Variants in PLEKHM1 observed in about 807,000 individuals in gnomAD.
The protein encoded by PLEKHM1 is pleckstrin homology and RUN domain containing M1.
A neutral mutation model predicts 94.3 loss-of-function variants in PLEKHM1; 28 were observed. The ratio of observed to expected loss-of-function variants is 0.30; its 90% confidence interval spans 0.22 to 0.41. The LOEUF is 0.41. PLEKHM1 is among the 10% of genes least tolerant of loss of function. PLEKHM1 has a pLI of 1.00. For synonymous variants in PLEKHM1, 424 were observed against 581.2 expected, an observed-to-expected ratio of 0.73 and a Z score of 3.89; for missense variants, 907 against 1,358.6, an observed-to-expected ratio of 0.67 and a Z score of 5.22.
At position 45,453,269 on chromosome 17, in the gene PLEKHM1, C is replaced by G. The variant is rs1410812599; in HGVS notation, c.2497+86G>C. 15 of 1,380,516 alleles carry G rather than the reference C, an allele frequency of 1.1e-5. No homozygotes were observed. Among genetic ancestry groups the G allele is most frequent in the Non-Finnish European group, 1.3e-5 (13 of 990,628 alleles). The allele number at this position is 1,380,516 out of a possible 1,614,324, so 85.5% of individuals were successfully genotyped here. A position where few individuals can be genotyped will look rare whatever the true frequency, so the allele number is the denominator to read the frequency against. On this transcript the variant is annotated intron_variant, in intron 7 of 11. Transcript: ENST00000430334. This position sits in a 1 kb window ranked among gnomAD's most constrained non-coding sequence, Gnocchi z 4.1. The stretch of plus-strand genomic sequence containing the variant: ...AAGGATGGGGGCATTTGCGGGGAGG[C>G]AGAAGGGTGGGGAGCCTAAATCAGG...
In PLEKHM1 at chr17:45,445,366, T is replaced by C. The variant is rs1424174949; in HGVS notation, c.2837+104A>G. 1.2e-5 allele frequency: 10 copies of C among 867,522 alleles called. No individual in the cohort carries two copies. In the East Asian group the frequency reaches 2.6e-4, roughly 23 times the overall value. The allele number at this position is 867,522 out of a possible 1,614,324, so 53.7% of individuals were successfully genotyped here. ...TTATGTGTGTGGGTATGTGTGCACATGTGTATGTGTGTCTGTGTGTACATG... is the reference window on the plus strand; with the variant it reads ...TTATGTGTGTGGGTATGTGTGCACACGTGTATGTGTGTCTGTGTGTACATG... On this transcript the variant is annotated intron_variant, in intron 9 of 11. Transcript: ENST00000430334. The surrounding 1 kb of genome is among the most constrained non-coding windows in gnomAD (Gnocchi z 4.2).
At chr17:45,443,359 TTA>T (rs919287330) in intron 9 of PLEKHM1, among the ~76,000 whole-genome samples, 11 of 152,010 alleles carry the variant, frequency 7.2e-5, no homozygotes, top group African/African-American at 2.7e-4. Flanking sequence ...CTGGCCCATT[TTA>T]TAGACGGGAA....
rs145824595 is a variant in PLEKHM1, at chr17:45,440,140, C to T, written c.2901+23G>A. The T allele has an allele frequency of 5.2e-4, 830 of 1,606,466 alleles. 5 individuals carry two copies. In the African/African-American group the frequency reaches 9.4e-3, roughly 18 times the overall value. ...AATGAAGTCTCTCTAGAGGTCTGGGCGGGGGAAGCATGACACTCTTACCTG... is the reference window on the plus strand; with the variant it reads ...AATGAAGTCTCTCTAGAGGTCTGGGTGGGGGAAGCATGACACTCTTACCTG... On this transcript the variant is annotated intron_variant, in intron 10 of 11. Transcript: ENST00000430334.
intron 1 of PLEKHM1, among the ~76,000 whole-genome samples, chr17:45,485,775 T>G (rs1177025223): frequency 6.7e-6 from 1 of 150,008 alleles, no homozygotes; most frequent in Non-Finnish European, 1.5e-5. Flanking sequence ...TGGTGGCCCA[T>G]GCCTGTAATA....
rs771770966 is a variant in PLEKHM1 at position 45,454,034 on chromosome 17, G to A, written c.1818C>T (p.Arg606=). The A allele has an allele frequency of 2.5e-5, 41 of 1,614,000 alleles. No homozygotes were observed. Among genetic ancestry groups the A allele is most frequent in the Admixed American group, 2.2e-4 (13 of 60,014 alleles). ...LVFSGKKLAL[R]ASSQDEAEDW... is the part of the protein sequence containing the mutation. ...CCTCAGCTTCGTCCTGGGAGGAGGC[G>A]CGCAGGGCCAGCTTCTTGCCAGAGA... Residue 606 remains arginine, a synonymous_variant, in exon 7 of 12, where the codon CGC becomes CGT. Transcript: ENST00000430334.
intron 10 of PLEKHM1, 78 bp from the exon 11 acceptor site, chr17:45,439,712 T>G (rs745324670): frequency 2.5e-5 from 40 of 1,584,720 alleles, no homozygotes; most frequent in Admixed American, 3.4e-5. Context: ...GCCCCAGGCC[T>G]TTCAAGCAGC....
Position 45,454,058 on chromosome 17 carries a change from G to A in PLEKHM1, c.1794C>T (p.Phe598=). 1 of 1,614,198 alleles carries A rather than the reference G, an allele frequency of 6.2e-7. No individual in the cohort carries two copies. Among genetic ancestry groups the A allele is most frequent in the African/African-American group, 1.3e-5 (1 of 75,074 alleles). ...AHSDGRFELV[F]SGKKLALRAS... ...CGCGCAGGGCCAGCTTCTTGCCAGAGAAGACCAGCTCAAAGCGCCCATCAC... is the reference window on the plus strand; with the variant it reads ...CGCGCAGGGCCAGCTTCTTGCCAGAAAAGACCAGCTCAAAGCGCCCATCAC... Residue 598 remains phenylalanine, a synonymous_variant, in exon 7 of 12, where the codon TTC becomes TTT. Transcript: ENST00000430334.
intron 4 of PLEKHM1, among the ~76,000 whole-genome samples, chr17:45,470,619 ACT>A (rs2051473654): frequency 1.3e-5 from 2 of 151,936 alleles, no homozygotes; most frequent in African/African-American, 2.4e-5. Context: ...ACAAAGTGAA[ACT>A]CTGTTTCAAA....
rs377403389 is a variant in PLEKHM1, at chr17:45,445,426, C to T, written c.2837+44G>A. ...GTATGTGTTTGTGTGCATGCATGTG[C>T]GTGTGTACGTGCACTCACACGCATA... On this transcript the variant is annotated intron_variant, in intron 9 of 11. Transcript: ENST00000430334. This position sits in a 1 kb window ranked among gnomAD's most constrained non-coding sequence, Gnocchi z 4.2. 20 of 1,550,226 alleles carry T rather than the reference C, an allele frequency of 1.3e-5. No homozygotes were observed. Among genetic ancestry groups the T allele is most frequent in the African/African-American group, 6.7e-5 (5 of 74,256 alleles).
In PLEKHM1 at chr17:45,482,424, C is replaced by T. The variant is rs1248420003; in HGVS notation, c.48+13G>A. The T allele has an allele frequency of 6.2e-6, 6 of 969,278 alleles. No individual in the cohort carries two copies. The highest frequency in any genetic ancestry group is 1.3e-5 in the South Asian group (1 of 75,646). The allele number at this position is 969,278 out of a possible 1,614,324, so 60.0% of individuals were successfully genotyped here. A position where few individuals can be genotyped will look rare whatever the true frequency, so the allele number is the denominator to read the frequency against. ...AGCCCTTCCCCGCCCTTGATCCTCC[C>T]TCACCCACCTACCGGGATGGCAGCC... On this transcript the variant is annotated intron_variant, in intron 2 of 11. Coordinates refer to ENST00000430334, the MANE Select transcript of PLEKHM1 (RefSeq NM_014798.3).
intron 10 of PLEKHM1, 177 bp downstream of exon 10, chr17:45,439,986 T>A (rs2050391652): frequency 8.9e-6 from 6 of 673,092 alleles, no homozygotes; most frequent in Middle Eastern, 3.3e-4. Flanking sequence ...GCTGGGGGTA[T>A]CCGTCCCTGC....
chr17:45,437,979 G>A lies in PLEKHM1; in HGVS notation c.3060-10C>T. The A allele has an allele frequency of 6.2e-7, 1 of 1,607,832 alleles. No individual in the cohort carries two copies. The highest frequency in any genetic ancestry group is 8.5e-7 in the Non-Finnish European group (1 of 1,175,266). On this transcript the variant is annotated splice_polypyrimidine_tract_variant and intron_variant, in intron 11 of 11. Coordinates refer to ENST00000430334, the MANE Select transcript of PLEKHM1 (RefSeq NM_014798.3). This position sits in a 1 kb window ranked among gnomAD's most constrained non-coding sequence, Gnocchi z 4.0. ...CTTGCACTCGGCACACCTGGGGAGA[G>A]AGCAGTAGGCCTGCTGGTGCCGGCT...
intron 5 of PLEKHM1, among the ~76,000 whole-genome samples, chr17:45,461,212 G>C (rs2051142682): frequency 6.6e-6 from 1 of 152,174 alleles, no homozygotes; most frequent in African/African-American, 2.4e-5. Flanking sequence ...AAACCACCCT[G>C]TGTATGGTAC....
At chr17:45,440,816 ATTAT>A in intron 9 of PLEKHM1, 1 of 183,128 alleles carries the variant, frequency 5.5e-6, no homozygotes, top group South Asian at 1.2e-4. Context: ...GGCTGTTGTC[ATTAT>A]TGCCACCATT....
At position 45,457,172 on chromosome 17, in the gene PLEKHM1, GA is replaced by G. The variant is rs980455854; in HGVS notation, c.1579+996del. On this transcript the variant is annotated intron_variant, in intron 6 of 11. Coordinates refer to ENST00000430334, the MANE Select transcript of PLEKHM1 (RefSeq NM_014798.3). The stretch of plus-strand genomic sequence containing the variant: ...GGTGACAGAGCAAGACTCTGCCTCA[GA>G]AAAAAAAAAAAAAAAAAAAAGAAGC... Among the ~76,000 whole-genome samples the G allele has an allele frequency of 8.1e-3, 456 of 56,318 alleles. 1 individual carries two copies. Among genetic ancestry groups the G allele is most frequent in the African/African-American group, 0.028 (365 of 12,916 alleles). The allele number at this position is 56,318 out of a possible 152,430, so 36.9% of individuals were successfully genotyped here.
chr17:45,475,734 G>A lies in PLEKHM1; in HGVS notation c.297-8C>T, dbSNP rs1270866842. The stretch of plus-strand genomic sequence containing the variant: ...AACTCTGAGATGATGTGTCTGGGAA[G>A]GGAGAACAGACGTGTTTCAAGAAAC... On this transcript the variant is annotated splice_polypyrimidine_tract_variant and splice_region_variant and intron_variant, in intron 3 of 11. Transcript: ENST00000430334. 1.3e-6 allele frequency: 2 copies of A among 1,595,402 alleles called. No individual in the cohort carries two copies. Among genetic ancestry groups the A allele is most frequent in the Non-Finnish European group, 8.5e-7 (1 of 1,170,792 alleles).
intron 5 of PLEKHM1, among the ~76,000 whole-genome samples, chr17:45,465,604 G>A (rs2051295718): frequency 6.6e-6 from 1 of 152,118 alleles, no homozygotes; most frequent in Non-Finnish European, 1.5e-5. Context: ...CAGCTACTTG[G>A]GAGGCTGAGG....
chr17:45,476,426 GT>G (rs577548601), intron 3 of PLEKHM1, among the ~76,000 whole-genome samples: 111 of 152,060 alleles, frequency 7.3e-4, no homozygotes, highest in African/African-American at 2.7e-3. Context: ...CAACAACCCT[GT>G]AAGAGGATTG....
At chr17:45,467,934 C>G (rs73307530) in intron 5 of PLEKHM1, among the ~76,000 whole-genome samples, 3 of 152,156 alleles carry the variant, frequency 2.0e-5, no homozygotes, top group Non-Finnish European at 4.4e-5. Flanking sequence ...CACAAAGTGA[C>G]GTGAAAATGA....
Sources: allele counts gnomAD v4.1 joint callset (sites outside exome capture counted in the v4.1 genomes callset), GRCh38; gene constraint gnomAD v4.1.1; non-coding constraint Gnocchi (gnomAD v3.1); transcripts MANE v1.5; gene names NCBI Gene and HGNC (gene_info 2026-07-23, HGNC 2026-07-21).